Variants in E2F3 observed in about 807,000 individuals in gnomAD.
E2F3 encodes the protein E2F transcription factor 3, also known as transcription factor E2F3.
In E2F3, 11 loss-of-function variants were observed where a neutral mutation model predicts 44.4. That is an observed-to-expected ratio of 0.25 (90% CI 0.16 to 0.41). E2F3 has a LOEUF of 0.41. Among genes scored for constraint, E2F3 ranks in the 10% least tolerant of loss-of-function variants. E2F3 has a pLI of 1.00. For synonymous variants in E2F3, 249 were observed against 253.0 expected (o/e 0.98, Z 0.15); for missense variants, 487 against 583.6 (o/e 0.83, Z 1.70).
At chr6:20,482,173 G>A (rs1298871719) in intron 3 of E2F3, among the ~76,000 whole-genome samples, 2 of 151,982 alleles carry the variant, frequency 1.3e-5, no homozygotes, top group Non-Finnish European at 2.9e-5. Flanking sequence ...TGACAGTTTG[G>A]TAACCCGTTT....
intron 1 of E2F3, among the ~76,000 whole-genome samples, chr6:20,479,631 G>A (rs984087168): frequency 1.3e-5 from 2 of 151,980 alleles, no homozygotes; most frequent in South Asian, 2.1e-4. Context: ...GGGTGTGGAC[G>A]GATGATCACG....
chr6:20,443,345 A>G (rs566968130), intron 1 of E2F3, among the ~76,000 whole-genome samples: 80 of 152,306 alleles, frequency 5.3e-4, no homozygotes, highest in Admixed American at 1.2e-3. Context: ...TTGACCTGAA[A>G]TCCCCAGTTT....
chr6:20,444,059 T>G (rs1760859338), intron 1 of E2F3, among the ~76,000 whole-genome samples: 1 of 151,952 alleles, frequency 6.6e-6, no homozygotes, highest in South Asian at 2.1e-4. Context: ...AAAAAAAAAT[T>G]AGTCAGGCAT....
intron 1 of E2F3, among the ~76,000 whole-genome samples, chr6:20,412,175 C>T (rs947492780): frequency 1.3e-5 from 2 of 152,090 alleles, no homozygotes; most frequent in Non-Finnish European, 2.9e-5. Flanking sequence ...TGTGTGGTGT[C>T]GACAGAAAGT....
chr6:20,402,356 C>T lies in E2F3; in HGVS notation c.124C>T (p.Pro42Ser). 1 of 1,608,094 alleles carries T rather than the reference C, an allele frequency of 6.2e-7. No individual in the cohort carries two copies. Among genetic ancestry groups the T allele is most frequent in the Non-Finnish European group, 8.5e-7 (1 of 1,177,912 alleles). The change falls in exon 1 of 7, where the codon CCC becomes TCC. Residue 42 changes from proline to serine, a missense_variant. This residue lies in a region of E2F3 where 238 missense variants were observed against 236.0 expected (regional missense o/e 1.01). Transcript: ENST00000346618. This position sits in a 1 kb window ranked among gnomAD's most constrained non-coding sequence, Gnocchi z 5.6. ...GGACAAAAGGGCACTGCTAGCCAGC[C>T]CCGGCTTCGCCGCCGCCGCCGCCGC... is the stretch of plus-strand genomic sequence containing the variant. Reference protein sequence around the residue: ...SMDKRALLASPGFAAAAAAAA... With the variant: ...SMDKRALLASSGFAAAAAAAA...
chr6:20,488,488 A>G (rs1479975319), intron 6 of E2F3, among the ~76,000 whole-genome samples: 1 of 152,210 alleles, frequency 6.6e-6, no homozygotes, highest in East Asian at 1.9e-4. Context: ...GTTTCCTTAC[A>G]GCATTTTTGA....
intron 1 of E2F3, among the ~76,000 whole-genome samples, chr6:20,446,107 T>C (rs1395134178): frequency 6.6e-6 from 1 of 151,886 alleles, no homozygotes; most frequent in Non-Finnish European, 1.5e-5. Flanking sequence ...ACGTGGAAAC[T>C]CCACCGATAG....
chr6:20,453,136 T>G (rs1761188715), intron 1 of E2F3, among the ~76,000 whole-genome samples: 1 of 152,190 alleles, frequency 6.6e-6, no homozygotes, highest in Non-Finnish European at 1.5e-5. Context: ...TCTAAGTCTG[T>G]GATATGATCT....
At chr6:20,452,760 C>T (rs867330115) in intron 1 of E2F3, among the ~76,000 whole-genome samples, 1 of 151,906 alleles carries the variant, frequency 6.6e-6, no homozygotes, top group Middle Eastern at 3.2e-3. Flanking sequence ...CCATCCTGGC[C>T]AACCAACATG....
At chr6:20,444,036 A>G (rs543720500) in intron 1 of E2F3, among the ~76,000 whole-genome samples, 104 of 152,076 alleles carry the variant, frequency 6.8e-4, no homozygotes, top group African/African-American at 2.4e-3. Flanking sequence ...ACATAGTGAA[A>G]CCAGGTCTCT....
chr6:20,453,193 T>C (rs1290451583), intron 1 of E2F3, among the ~76,000 whole-genome samples: 1 of 152,094 alleles, frequency 6.6e-6, no homozygotes, highest in East Asian at 1.9e-4. Context: ...TGTGGGGTTT[T>C]TTTGGTCTTA....
At chr6:20,411,357 C>G (rs1277834369) in intron 1 of E2F3, among the ~76,000 whole-genome samples, 1 of 152,100 alleles carries the variant, frequency 6.6e-6, no homozygotes, top group Non-Finnish European at 1.5e-5. Flanking sequence ...GTCTTGCTCT[C>G]CAGAGGCAAT....
chr6:20,478,511 T>G (rs568430626), intron 1 of E2F3, among the ~76,000 whole-genome samples: 1 of 152,244 alleles, frequency 6.6e-6, no homozygotes, highest in Admixed American at 6.5e-5. Flanking sequence ...GGAGTTGTTT[T>G]GAAATTGCAA....
intron 1 of E2F3, among the ~76,000 whole-genome samples, chr6:20,446,457 A>G (rs1427238102): frequency 6.6e-6 from 1 of 152,240 alleles, no homozygotes; most frequent in Non-Finnish European, 1.5e-5. Flanking sequence ...ATTGTTTTGT[A>G]TCATACCACA....
intron 1 of E2F3, among the ~76,000 whole-genome samples, chr6:20,414,110 T>G (rs1483501671): frequency 6.6e-6 from 1 of 152,198 alleles, no homozygotes; most frequent in Non-Finnish European, 1.5e-5. Flanking sequence ...GTGGAAGTCT[T>G]GATGAACAAT....
intron 1 of E2F3, among the ~76,000 whole-genome samples, chr6:20,445,681 T>C (rs898973721): frequency 6.6e-5 from 10 of 152,186 alleles, no homozygotes; most frequent in African/African-American, 2.4e-4. Context: ...CTCCATAGGT[T>C]CTTGGAAATT....
In E2F3 at chr6:20,488,255, A is replaced by C. The variant is rs1248160578; in HGVS notation, c.1135+7A>C. 4.4e-6 allele frequency: 7 copies of C among 1,577,780 alleles called. No individual in the cohort carries two copies. The highest frequency in any genetic ancestry group is 6.0e-6 in the Non-Finnish European group (7 of 1,169,124). On this transcript the variant is annotated splice_region_variant and intron_variant, in intron 6 of 6. Transcript: ENST00000346618. ...CCTAAACCCGCTTCCAAAGGTAAAA[A>C]CTCCACTTTTGTCTTTTAGAAACTA... is the stretch of plus-strand genomic sequence containing the variant.
At chr6:20,413,960 CTCTG>C (rs1261559290) in intron 1 of E2F3, among the ~76,000 whole-genome samples, 2 of 150,866 alleles carry the variant, frequency 1.3e-5, no homozygotes, top group African/African-American at 4.8e-5. Context: ...CAAGCTTCTC[CTCTG>C]TCTGGGGTGT....
chr6:20,429,670 A>G (rs1454687904), intron 1 of E2F3, among the ~76,000 whole-genome samples: 1 of 151,952 alleles, frequency 6.6e-6, no homozygotes, highest in Non-Finnish European at 1.5e-5. Context: ...TGAGATATGT[A>G]CAATTTTGAG....
Sources: allele counts gnomAD v4.1 joint callset (sites outside exome capture counted in the v4.1 genomes callset), GRCh38; gene constraint gnomAD v4.1.1; regional missense constraint gnomAD v4.1.1; non-coding constraint Gnocchi (gnomAD v3.1); transcripts MANE v1.5; gene names NCBI Gene and HGNC (gene_info 2026-07-23, HGNC 2026-07-21).